Variants in ATRNL1 observed in about 807,000 individuals in gnomAD.
The protein encoded by ATRNL1 is attractin-like protein 1.
A neutral mutation model predicts 182.7 loss-of-function variants in ATRNL1; 95 were observed. The ratio of observed to expected loss-of-function variants is 0.52; its 90% CI spans 0.44 to 0.62. The LOEUF (loss-of-function observed/expected upper bound fraction) is 0.62, where lower values mean the gene tolerates loss of function less well. ATRNL1 is among the 20% of genes least tolerant of loss of function. The pLI is 0.00. For synonymous variants in ATRNL1, 576 were observed against 568.3 expected (o/e 1.01, Z -0.19); for missense variants, 1,471 against 1,679.5 (o/e 0.88, Z 2.17).
chr10:115,923,762 A>T (rs565914616), intron 28 of ATRNL1, among the ~76,000 whole-genome samples: 10 of 152,220 alleles, frequency 6.6e-5, no homozygotes, highest in Non-Finnish European at 1.0e-4. Context: ...TACTTTGGGT[A>T]TATACCCAGT....
At chr10:115,313,261 T>C (rs1854125870) in intron 17 of ATRNL1, among the ~76,000 whole-genome samples, 1 of 152,098 alleles carries the variant, frequency 6.6e-6, no homozygotes, top group South Asian at 2.1e-4. Flanking sequence ...TGTAGGTTCT[T>C]ATAATTATTT....
chr10:115,406,632 T>A (rs1252487657), intron 20 of ATRNL1, among the ~76,000 whole-genome samples: 1 of 152,192 alleles, frequency 6.6e-6, no homozygotes, highest in Admixed American at 6.5e-5. Context: ...GTTTAATCTT[T>A]AAAAGTTTCA....
intron 26 of ATRNL1, among the ~76,000 whole-genome samples, chr10:115,561,830 GATA>G (rs1264997615): frequency 2.0e-4 from 30 of 151,906 alleles, no homozygotes; most frequent in African/African-American, 6.3e-4. Flanking sequence ...GCTTGTGATC[GATA>G]ATAATGTTAT....
Position 115,682,702 on chromosome 10 carries a change from A to ATG in ATRNL1, c.3796-44546_3796-44545insTG, listed in dbSNP as rs558767341. 4.3e-3 allele frequency among the ~76,000 whole-genome samples: 631 copies of ATG among 147,154 alleles called. 2 individuals are homozygous for ATG. The highest frequency in any genetic ancestry group is 0.011 in the African/African-American group (397 of 37,346). On this transcript the variant is annotated intron_variant, in intron 26 of 28. Transcript: ENST00000355044. ...TGATGATGATGATGATGATGATGAT[A>ATG]GAAGAGCCAGCCAGTTCCCTACCTT... is the stretch of plus-strand genomic sequence containing the variant.
intron 26 of ATRNL1, among the ~76,000 whole-genome samples, chr10:115,605,437 A>G (rs1856820513): frequency 6.6e-6 from 1 of 152,134 alleles, no homozygotes; most frequent in South Asian, 2.1e-4. Context: ...GTTAGCATAT[A>G]TATTTTAATA....
intron 27 of ATRNL1, among the ~76,000 whole-genome samples, chr10:115,760,190 C>T (rs1216361264): frequency 6.6e-6 from 1 of 150,704 alleles, no homozygotes; most frequent in African/African-American, 2.4e-5. Flanking sequence ...AAAGACTAAA[C>T]TCTTACTAAA....
intron 5 of ATRNL1, among the ~76,000 whole-genome samples, chr10:115,158,798 A>C (rs1037886861): frequency 2.0e-5 from 3 of 151,934 alleles, no homozygotes; most frequent in African/African-American, 7.2e-5. Context: ...GCCTGATCTC[A>C]TAATTGAGTA....
intron 24 of ATRNL1, among the ~76,000 whole-genome samples, chr10:115,478,446 C>A (rs1848625754): frequency 6.6e-6 from 1 of 151,640 alleles, no homozygotes; most frequent in African/African-American, 2.4e-5. Flanking sequence ...TAGAAGATGG[C>A]CGCTGTTCCC....
chr10:115,833,510 A>G (rs1555094410), intron 27 of ATRNL1, among the ~76,000 whole-genome samples: 2 of 152,218 alleles, frequency 1.3e-5, no homozygotes, highest in African/African-American at 4.8e-5. Context: ...TTATTATTAT[A>G]GTAAGAGTGT....
intron 26 of ATRNL1, among the ~76,000 whole-genome samples, chr10:115,627,829 G>T (rs1270774794): frequency 6.6e-6 from 1 of 152,046 alleles, no homozygotes; most frequent in African/African-American, 2.4e-5. Flanking sequence ...GAGTGGAATT[G>T]CCAGTTAATA....
At chr10:115,164,393 G>A (rs1268134688) in intron 6 of ATRNL1, among the ~76,000 whole-genome samples, 1 of 152,110 alleles carries the variant, frequency 6.6e-6, no homozygotes, top group African/African-American at 2.4e-5. Context: ...GGTATGTAAA[G>A]TAGCACAGTC....
At chr10:115,754,062 C>G (rs1555071330) in intron 27 of ATRNL1, among the ~76,000 whole-genome samples, 1 of 152,124 alleles carries the variant, frequency 6.6e-6, no homozygotes. Context: ...TTTGTAGATT[C>G]TGGATATTAG....
chr10:115,126,338 A>T (rs1844975142), intron 3 of ATRNL1, among the ~76,000 whole-genome samples: 4 of 152,160 alleles, frequency 2.6e-5, no homozygotes, highest in Admixed American at 2.6e-4. Context: ...GATTACAGGC[A>T]TGAGCCACTG....
At chr10:115,465,688 T>A (rs1848020624) in intron 22 of ATRNL1, among the ~76,000 whole-genome samples, 1 of 151,532 alleles carries the variant, frequency 6.6e-6, no homozygotes, top group South Asian at 2.1e-4. Flanking sequence ...TATAATAGCC[T>A]TCTGATTTAC....
At chr10:115,298,731 A>G (rs2133970993) in intron 15 of ATRNL1, among the ~76,000 whole-genome samples, 1 of 152,222 alleles carries the variant, frequency 6.6e-6, no homozygotes, top group African/African-American at 2.4e-5. Context: ...TCTTTGTTTT[A>G]GGCACTGTGC....
intron 20 of ATRNL1, among the ~76,000 whole-genome samples, chr10:115,424,822 G>A (rs1371622306): frequency 2.6e-5 from 4 of 152,052 alleles, no homozygotes; most frequent in African/African-American, 9.7e-5. Context: ...GAGGAGGGTG[G>A]AATGGGGAGA....
At chr10:115,500,660 GCCT>G (rs1158873282) in intron 24 of ATRNL1, among the ~76,000 whole-genome samples, 2 of 151,342 alleles carry the variant, frequency 1.3e-5, no homozygotes, top group African/African-American at 4.9e-5. Context: ...CCCAGCCCCA[GCCT>G]CCTGAGTAGC....
intron 9 of ATRNL1, among the ~76,000 whole-genome samples, chr10:115,239,484 G>C (rs1850322194): frequency 6.6e-6 from 1 of 151,946 alleles, no homozygotes; most frequent in South Asian, 2.1e-4. Context: ...CGCCCACTTC[G>C]GCCTCCCAAA....
At chr10:115,616,333 A>G (rs1301300672) in intron 26 of ATRNL1, among the ~76,000 whole-genome samples, 1 of 152,216 alleles carries the variant, frequency 6.6e-6, no homozygotes, top group Non-Finnish European at 1.5e-5. Context: ...ACGCATGAGC[A>G]AAGAAATGAC....
Sources: allele counts gnomAD v4.1 joint callset (sites outside exome capture counted in the v4.1 genomes callset), GRCh38; gene constraint gnomAD v4.1.1; transcripts MANE v1.5; gene names NCBI Gene and HGNC (gene_info 2026-07-23, HGNC 2026-07-21).